The following GAN variants were observed in gnomAD, a reference collection of about 807,000 sequenced individuals.
GAN encodes epididymis secretory sperm binding protein.
Under a neutral mutation model 71.3 loss-of-function variants are expected in GAN, and 48 were observed. The ratio of observed to expected loss-of-function variants is 0.67; its 90% CI spans 0.53 to 0.86. GAN has a LOEUF of 0.86. Ranked by LOEUF, GAN falls within the 40% of genes least tolerant of loss-of-function variation. The pLI is 0.00. For missense variants in GAN, 928 were observed against 770.1 expected, an observed-to-expected ratio of 1.21 and a Z score of -2.43; for synonymous variants, 386 against 276.8, an observed-to-expected ratio of 1.39 and a Z score of -3.92.
chr16:81,341,716 C>G (rs1355860588), intron 1 of GAN, among the ~76,000 whole-genome samples: 2 of 152,168 alleles, frequency 1.3e-5, no homozygotes, highest in Admixed American at 6.5e-5. Flanking sequence ...TGTGAAGTAA[C>G]TGCATCAATT....
rs145982025 is a variant in GAN, at chr16:81,338,773, G to A, written c.168-12810G>A. Among the ~76,000 whole-genome samples the A allele has an allele frequency of 3.6e-3, 542 of 152,334 alleles. 5 individuals carry two copies. Among genetic ancestry groups the A allele is most frequent in the African/African-American group, 0.012 (509 of 41,582 alleles). ...GGGAAGTGGCTGTGAATGGCAGAAG[G>A]CTGTGGAGCAAGACTGCTTCCGGAT... On this transcript the variant is annotated intron_variant, in intron 1 of 10. Transcript: ENST00000648994.
chr16:81,364,869 C>A (rs1003695539), intron 7 of GAN, 105 bp from the exon 8 acceptor site: 7 of 1,127,378 alleles, frequency 6.2e-6, no homozygotes, highest in East Asian at 2.3e-5. Context: ...AGAAATCAAA[C>A]CCCTTCCTAA....
chr16:81,329,249 C>T (rs1292135593), intron 1 of GAN, among the ~76,000 whole-genome samples: 3 of 151,810 alleles, frequency 2.0e-5, no homozygotes, highest in African/African-American at 4.8e-5. Context: ...CAGTGCCTGG[C>T]GTGTAGGAGA....
chr16:81,317,468 A>T (rs905764967), intron 1 of GAN, among the ~76,000 whole-genome samples: 1 of 152,260 alleles, frequency 6.6e-6, no homozygotes. Context: ...TTCTCATTTA[A>T]TCACACCTGT....
At chr16:81,373,667 C>T (rs1374151360) in intron 9 of GAN, among the ~76,000 whole-genome samples, 5 of 152,080 alleles carry the variant, frequency 3.3e-5, no homozygotes, top group East Asian at 3.9e-4. Flanking sequence ...TCTTTTTTCT[C>T]GGTTTCCAGA....
At position 81,377,639 on chromosome 16, in the gene GAN, C is replaced by T. The variant is rs777314314; in HGVS notation, c.*43C>T. On this transcript the variant is annotated 3_prime_UTR_variant, in exon 11 of 11. Coordinates refer to ENST00000648994, the MANE Select transcript of GAN (RefSeq NM_022041.4). The stretch of plus-strand genomic sequence containing the variant: ...GTGCGAGATCCTGACCCAAGAGCAC[C>T]ATAACATAGCTCCGAAAGGGAGAGC... The T allele has an allele frequency of 1.3e-6, 2 of 1,537,426 alleles. No homozygotes were observed. Among genetic ancestry groups the T allele is most frequent in the South Asian group, 2.2e-5 (2 of 89,480 alleles).
chr16:81,356,888 A>T lies in GAN; in HGVS notation c.737A>T (p.Lys246Ile), dbSNP rs1910504691. The T allele has an allele frequency of 1.2e-6, 2 of 1,613,812 alleles. No homozygotes were observed. The highest frequency in any genetic ancestry group is 1.7e-6 in the Non-Finnish European group (2 of 1,179,830). ...GAACCATTAGTACGAGAAATTGTCA[A>T]AGAGTGTAGCAATATACCGCTCAGC... ...LNEPLVREIV[K>I]ECSNIPLSQP... Residue 246 changes from lysine to isoleucine, a missense_variant, in exon 4 of 11, where the codon AAA becomes ATA. Physicochemically the swap from Lys to Ile is moderately radical, Grantham distance 102. Transcript: ENST00000648994.
chr16:81,388,777 C>T lies in GAN; in HGVS notation c.*11181C>T, dbSNP rs1284960211. On this transcript the variant is annotated 3_prime_UTR_variant, in exon 11 of 11. Coordinates refer to ENST00000648994, the MANE Select transcript of GAN (RefSeq NM_022041.4). ...AGCGGAGCGCAGCCCTTGTTTCCTT[C>T]TTTCCTCTTCAGCTCTGACTTAAAA... 3 of 152,310 alleles carry T rather than the reference C, an allele frequency of 2.0e-5. No homozygotes were observed. Among genetic ancestry groups the T allele is most frequent in the Non-Finnish European group, 4.4e-5 (3 of 68,076 alleles). The allele number at this position is 152,310 out of a possible 1,614,324, so 9.4% of individuals were successfully genotyped here. A position where few individuals can be genotyped will look rare whatever the true frequency, so the allele number is the denominator to read the frequency against.
At chr16:81,351,960 A>T (rs1910314598) in intron 2 of GAN, among the ~76,000 whole-genome samples, 1 of 152,080 alleles carries the variant, frequency 6.6e-6, no homozygotes, top group African/African-American at 2.4e-5. Flanking sequence ...TTCTCATATG[A>T]GATATTAAAG....
chr16:81,330,519 G>GTGAA (rs1465777721), intron 1 of GAN, among the ~76,000 whole-genome samples: 1 of 152,248 alleles, frequency 6.6e-6, no homozygotes, highest in African/African-American at 2.4e-5. Flanking sequence ...GCATGGATAA[G>GTGAA]TGAATGAATG....
intron 5 of GAN, 72 bp from the exon 6 acceptor site, chr16:81,362,427 C>G (rs2150690145): frequency 1.2e-6 from 1 of 801,822 alleles, no homozygotes; most frequent in Non-Finnish European, 2.3e-6. Context: ...GATGCTGTTT[C>G]TATATATGCT....
In GAN at chr16:81,315,025, C is replaced by A. The variant is rs937731775; in HGVS notation, c.-89C>A. 3 of 1,128,112 alleles carry A rather than the reference C, an allele frequency of 2.7e-6. No individual in the cohort carries two copies. The highest frequency in any genetic ancestry group is 4.2e-5 in the Admixed American group (1 of 23,910). 69.9% of individuals were successfully genotyped at this position (1,128,112 alleles called of 1,614,324 possible). On this transcript the variant is annotated 5_prime_UTR_variant, in exon 1 of 11. Transcript: ENST00000648994. ...TCAGAGCGCGGAGAGCCGGGCCGGGCGGGCGCGCGCGCAGGACTCGGGCCG... is the reference window on the plus strand; with the variant it reads ...TCAGAGCGCGGAGAGCCGGGCCGGGAGGGCGCGCGCGCAGGACTCGGGCCG...
intron 3 of GAN, 91 bp from the exon 4 acceptor site, chr16:81,356,694 T>G: frequency 2.2e-6 from 2 of 911,008 alleles, no homozygotes; most frequent in Non-Finnish European, 3.7e-6. Flanking sequence ...TGTTAACAGT[T>G]TGTTTTCCAT....
At chr16:81,352,931 T>C (rs906727432) in intron 2 of GAN, among the ~76,000 whole-genome samples, 5 of 152,246 alleles carry the variant, frequency 3.3e-5, no homozygotes, top group African/African-American at 7.2e-5. Context: ...ATGTTCAGGC[T>C]TGGATTTGAA....
chr16:81,333,470 C>T (rs1026950622), intron 1 of GAN, among the ~76,000 whole-genome samples: 7 of 152,028 alleles, frequency 4.6e-5, no homozygotes, highest in South Asian at 2.1e-4. Context: ...AAAATAGTAC[C>T]GTTTACTAGT....
At chr16:81,318,123 T>A (rs1174385012) in intron 1 of GAN, among the ~76,000 whole-genome samples, 2 of 152,356 alleles carry the variant, frequency 1.3e-5, no homozygotes, top group Non-Finnish European at 2.9e-5. Context: ...TGTACTTGTT[T>A]GTTTGAATAG....
chr16:81,321,900 A>T (rs766431804), intron 1 of GAN, among the ~76,000 whole-genome samples: 4 of 152,212 alleles, frequency 2.6e-5, no homozygotes, highest in Non-Finnish European at 5.9e-5. Context: ...CCTAAGCCAC[A>T]ACAAATCCAA....
intron 9 of GAN, among the ~76,000 whole-genome samples, chr16:81,373,562 C>G (rs934918033): frequency 6.6e-6 from 1 of 152,126 alleles, no homozygotes; most frequent in Non-Finnish European, 1.5e-5. Flanking sequence ...CTTACATGAC[C>G]GTAGTACAAG....
At chr16:81,345,714 T>A (rs1249704560) in intron 1 of GAN, among the ~76,000 whole-genome samples, 2 of 152,232 alleles carry the variant, frequency 1.3e-5, no homozygotes, top group Non-Finnish European at 2.9e-5. Context: ...TTGTACGTTC[T>A]GCACATGTAA....
Sources: allele counts gnomAD v4.1 joint callset (sites outside exome capture counted in the v4.1 genomes callset), GRCh38; gene constraint gnomAD v4.1.1; transcripts MANE v1.5; gene names NCBI Gene and HGNC (gene_info 2026-07-23, HGNC 2026-07-21).